Variants in KCNJ6 observed in about 807,000 individuals in gnomAD.
KCNJ6 encodes the protein potassium inwardly rectifying channel subfamily J member 6.
A neutral mutation model predicts 34.2 loss-of-function variants in KCNJ6; 9 were observed. The observed-to-expected ratio is 0.26, with a 90% confidence interval of 0.16 to 0.46. The LOEUF (loss-of-function observed/expected upper bound fraction) is 0.46. KCNJ6 is among the 20% of genes least tolerant of loss of function. KCNJ6 has a pLI of 1.00. For synonymous variants in KCNJ6, 196 were observed against 207.1 expected (o/e 0.95, Z 0.46); for missense variants, 236 against 531.3 (o/e 0.44, Z 5.46).
At chr21:37,694,048 A>T (rs959363757) in intron 3 of KCNJ6, among the ~76,000 whole-genome samples, 1 of 152,200 alleles carries the variant, frequency 6.6e-6, no homozygotes, top group African/African-American at 2.4e-5. Flanking sequence ...TGTGCCAGCC[A>T]CCGGGCAAAT....
intron 3 of KCNJ6, among the ~76,000 whole-genome samples, chr21:37,661,613 A>ATTTTTTT (rs1324340711): frequency 4.2e-5 from 2 of 47,270 alleles, no homozygotes; most frequent in African/African-American, 7.4e-5. Context: ...TAAGAGACAT[A>ATTTTTTT]GTTTTTTTTT....
At chr21:37,630,158 G>GTGT (rs1556010880) in intron 3 of KCNJ6, among the ~76,000 whole-genome samples, 4 of 145,716 alleles carry the variant, frequency 2.7e-5, no homozygotes, top group Admixed American at 7.0e-5. Flanking sequence ...GTGTGTGTGT[G>GTGT]GTGTTTATGT....
chr21:37,718,195 G>C (rs771721653), intron 2 of KCNJ6, among the ~76,000 whole-genome samples: 2 of 152,154 alleles, frequency 1.3e-5, no homozygotes, highest in Middle Eastern at 3.2e-3. Context: ...TTATGCCTTT[G>C]CCCCTTCTGT....
intron 3 of KCNJ6, among the ~76,000 whole-genome samples, chr21:37,700,101 G>GA (rs370152362): frequency 6.6e-4 from 97 of 146,506 alleles, no homozygotes; most frequent in African/African-American, 7.7e-4. Flanking sequence ...TCTGGGAACA[G>GA]AAAAAAAAAA....
chr21:37,676,596 G>A (rs1364115279), intron 3 of KCNJ6, among the ~76,000 whole-genome samples: 1 of 152,254 alleles, frequency 6.6e-6, no homozygotes, highest in Non-Finnish European at 1.5e-5. Flanking sequence ...GCTGTGCACA[G>A]GGCCAGCTTG....
At chr21:37,719,600 A>G (rs541241848) in intron 2 of KCNJ6, 3 of 152,256 alleles carry the variant, frequency 2.0e-5, no homozygotes, top group Admixed American at 2.0e-4. Context: ...CTTGACTTTG[A>G]GAGTAGCTTT....
intron 1 of KCNJ6, among the ~76,000 whole-genome samples, chr21:37,904,589 A>G (rs2055832346): frequency 6.6e-6 from 1 of 152,080 alleles, no homozygotes; most frequent in South Asian, 2.1e-4. Flanking sequence ...CATAAACCCC[A>G]TTTTATTTTT....
chr21:37,915,113 G>A (rs2055887201), intron 1 of KCNJ6, among the ~76,000 whole-genome samples: 1 of 151,918 alleles, frequency 6.6e-6, no homozygotes, highest in Admixed American at 6.6e-5. Context: ...TTGGGTTTTG[G>A]GAATACTGAT....
In KCNJ6 at chr21:37,739,373, T is replaced by C. The variant is rs568420685; in HGVS notation, c.26-24242A>G. On this transcript the variant is annotated intron_variant, in intron 2 of 3. Coordinates refer to ENST00000609713, the MANE Select transcript of KCNJ6 (RefSeq NM_002240.5). The stretch of plus-strand genomic sequence containing the variant: ...AGCTCTTAGCATGTTGGGAATAAAA[T>C]TGATGCAAAAGGCAGTCCCTTGGTT... 1.1e-4 allele frequency among the ~76,000 whole-genome samples: 17 copies of C among 152,282 alleles called. No individual in the cohort carries two copies. In the South Asian group the frequency reaches 2.9e-3, roughly 26 times the overall value.
intron 2 of KCNJ6, among the ~76,000 whole-genome samples, chr21:37,832,997 G>T (rs1480689041): frequency 6.9e-6 from 1 of 144,710 alleles, no homozygotes; most frequent in Non-Finnish European, 1.5e-5. Flanking sequence ...CCCCCAGTCT[G>T]GCTTCTCGGC....
At chr21:37,756,282 T>C (rs1344878436) in intron 2 of KCNJ6, among the ~76,000 whole-genome samples, 2 of 152,220 alleles carry the variant, frequency 1.3e-5, no homozygotes, top group African/African-American at 2.4e-5. Context: ...ATTCATTCCA[T>C]GTCAGAAACA....
rs772060420 is a variant in KCNJ6, at chr21:37,863,846, G to GTTTTTTTTTTTTTTTTTT, written c.-27-23138_-27-23137insAAAAAAAAAAAAAAAAAA. Among the ~76,000 whole-genome samples, 78 of 97,034 alleles carry GTTTTTTTTTTTTTTTTTT rather than the reference G, an allele frequency of 8.0e-4. 10 individuals are homozygous for GTTTTTTTTTTTTTTTTTT. Among genetic ancestry groups the GTTTTTTTTTTTTTTTTTT allele is most frequent in the East Asian group, 1.7e-3 (6 of 3,490 alleles). The allele number at this position is 97,034 out of a possible 152,430, so 63.7% of individuals were successfully genotyped here. On this transcript the variant is annotated intron_variant, in intron 1 of 3. Transcript: ENST00000609713. ...CTTTAAGCAATTTTAAAATATAAAG[G>GTTTTTTTTTTTTTTTTTT]TTTTTTTTTTTTTGTTTTTTTTTTT... is the stretch of plus-strand genomic sequence containing the variant.
At chr21:37,787,621 T>C (rs182139627) in intron 2 of KCNJ6, among the ~76,000 whole-genome samples, 79 of 152,310 alleles carry the variant, frequency 5.2e-4, no homozygotes, top group Middle Eastern at 3.4e-3. Context: ...CATGAATGTA[T>C]TTGTTTGGGA....
At chr21:37,700,679 A>G (rs1468056215) in intron 3 of KCNJ6, among the ~76,000 whole-genome samples, 1 of 152,024 alleles carries the variant, frequency 6.6e-6, no homozygotes, top group Admixed American at 6.6e-5. Flanking sequence ...AGAGGAAAGG[A>G]TGTTTGGGTA....
intron 1 of KCNJ6, among the ~76,000 whole-genome samples, chr21:37,855,352 T>C (rs2055559334): frequency 6.6e-6 from 1 of 152,172 alleles, no homozygotes; most frequent in African/African-American, 2.4e-5. Context: ...GAATGGACTC[T>C]CCATTCTCTT....
intron 2 of KCNJ6, among the ~76,000 whole-genome samples, chr21:37,745,867 G>A (rs1245740633): frequency 5.9e-5 from 9 of 152,188 alleles, no homozygotes; most frequent in African/African-American, 1.2e-4. Context: ...CCAGGATCAC[G>A]GTGTGTTCGC....
rs2055894128 is a variant in KCNJ6 at position 37,916,301 on chromosome 21, G to C, written c.-445C>G. 4 of 152,170 alleles carry C rather than the reference G, an allele frequency of 2.6e-5. No homozygotes were observed. Among genetic ancestry groups the C allele is most frequent in the Admixed American group, 2.6e-4 (4 of 15,274 alleles). The allele number at this position is 152,170 out of a possible 1,614,324, so 9.4% of individuals were successfully genotyped here. A position where few individuals can be genotyped will look rare whatever the true frequency, so the allele number is the denominator to read the frequency against. On this transcript the variant is annotated 5_prime_UTR_variant, in exon 1 of 4. Transcript: ENST00000609713. ...GAATGAAGTGGGGAAAGATAAGAGT[G>C]GCAGAAGAAAAAAAAAATCCCCGGT...
At chr21:37,895,918 C>A (rs1172764059) in intron 1 of KCNJ6, among the ~76,000 whole-genome samples, 1 of 152,222 alleles carries the variant, frequency 6.6e-6, no homozygotes, top group Non-Finnish European at 1.5e-5. Flanking sequence ...TAAATGCCTG[C>A]AGGCTCATTG....
At chr21:37,740,077 G>T (rs1031302272) in intron 2 of KCNJ6, among the ~76,000 whole-genome samples, 1 of 152,110 alleles carries the variant, frequency 6.6e-6, no homozygotes, top group Non-Finnish European at 1.5e-5. Context: ...ATTTTAAAAC[G>T]TGTGCCCAAG....
Sources: allele counts gnomAD v4.1 joint callset (sites outside exome capture counted in the v4.1 genomes callset), GRCh38; gene constraint gnomAD v4.1.1; transcripts MANE v1.5; gene names NCBI Gene and HGNC (gene_info 2026-07-23, HGNC 2026-07-21).